EPHA6: variants seen among roughly 807,000 people sequenced by gnomAD.
EPHA6 encodes the protein ephrin type-A receptor 6.
Under a neutral mutation model 112.0 loss-of-function variants are expected in EPHA6, and 50 were observed. The observed-to-expected ratio is 0.45, with a 90% CI of 0.36 to 0.56. EPHA6 has a LOEUF of 0.56. Ranked by LOEUF, EPHA6 falls within the 20% of genes least tolerant of loss-of-function variation. The pLI is 0.00. For synonymous variants in EPHA6, 529 were observed against 490.7 expected (o/e 1.08, Z -1.03); for missense variants, 1,280 against 1,417.4 (o/e 0.90, Z 1.56).
At chr3:97,084,394 AAC>A (rs1238331933) in intron 3 of EPHA6, among the ~76,000 whole-genome samples, 1 of 151,648 alleles carries the variant, frequency 6.6e-6, no homozygotes, top group Non-Finnish European at 1.5e-5. Flanking sequence ...ACCTTGGAAT[AAC>A]ACAGACTCCT....
intron 14 of EPHA6, among the ~76,000 whole-genome samples, chr3:97,677,190 G>T (rs546876259): frequency 6.6e-6 from 1 of 152,078 alleles, no homozygotes; most frequent in Non-Finnish European, 1.5e-5. Context: ...CATTTTAAAT[G>T]AAAATTTAGT....
chr3:96,865,694 CAAAAAAA>C lies in EPHA6; in HGVS notation c.386-1116_386-1110del, dbSNP rs57565102. On this transcript the variant is annotated intron_variant, in intron 1 of 17. Transcript: ENST00000389672. The stretch of plus-strand genomic sequence containing the variant: ...AAGACCTGTCTCTTTAAAAAACAAA[CAAAAAAA>C]AAAAAAAAAAAAAAGGAAAAAGAAA... 2.2e-4 allele frequency among the ~76,000 whole-genome samples: 18 copies of C among 82,006 alleles called. 1 individual carries two copies. The highest frequency in any genetic ancestry group is 0.014 in the Middle Eastern group (2 of 144). The allele number at this position is 82,006 out of a possible 152,430, so 53.8% of individuals were successfully genotyped here. A position where few individuals can be genotyped will look rare whatever the true frequency, so the allele number is the denominator to read the frequency against.
At chr3:97,467,588 C>T (rs183609129) in intron 7 of EPHA6, among the ~76,000 whole-genome samples, 23 of 151,810 alleles carry the variant, frequency 1.5e-4, no homozygotes, top group African/African-American at 5.1e-4. Context: ...GTATGGAAAT[C>T]CTATTTTACA....
intron 5 of EPHA6, among the ~76,000 whole-genome samples, chr3:97,391,558 T>C (rs572886733): frequency 6.6e-6 from 1 of 152,048 alleles, no homozygotes; most frequent in Non-Finnish European, 1.5e-5. Flanking sequence ...TCAATGTATG[T>C]GAAAGAGCAT....
intron 2 of EPHA6, among the ~76,000 whole-genome samples, chr3:96,915,492 A>G (rs1330228020): frequency 2.0e-5 from 3 of 152,088 alleles, no homozygotes; most frequent in Admixed American, 2.0e-4. Context: ...TTGTTTACCT[A>G]CTATTTTACC....
intron 2 of EPHA6, among the ~76,000 whole-genome samples, chr3:96,946,083 A>G (rs2041239512): frequency 1.3e-5 from 2 of 152,154 alleles, no homozygotes; most frequent in Non-Finnish European, 2.9e-5. Context: ...TTTCAATCAT[A>G]CAAAATGTAG....
At chr3:96,967,231 TAAG>T (rs1576194072) in intron 2 of EPHA6, among the ~76,000 whole-genome samples, 3 of 150,208 alleles carry the variant, frequency 2.0e-5, no homozygotes, top group East Asian at 3.9e-4. Context: ...GGTTATATAA[TAAG>T]AAATTATTAT....
At chr3:96,989,557 G>T (rs927419220) in intron 3 of EPHA6, among the ~76,000 whole-genome samples, 2 of 152,094 alleles carry the variant, frequency 1.3e-5, no homozygotes, top group South Asian at 2.1e-4. Context: ...TTCTCATACT[G>T]CTATAAGAAC....
intron 1 of EPHA6, among the ~76,000 whole-genome samples, chr3:96,846,019 T>C (rs956875020): frequency 2.6e-5 from 4 of 152,068 alleles, no homozygotes; most frequent in African/African-American, 9.7e-5. Flanking sequence ...AAAATCACAA[T>C]GCTTACATCT....
At chr3:97,689,443 G>A (rs947301587) in intron 14 of EPHA6, among the ~76,000 whole-genome samples, 1 of 152,128 alleles carries the variant, frequency 6.6e-6, no homozygotes, top group Non-Finnish European at 1.5e-5. Flanking sequence ...TTATTTAGAA[G>A]GGTAATTTTT....
intron 5 of EPHA6, among the ~76,000 whole-genome samples, chr3:97,293,684 G>A (rs2080776359): frequency 6.6e-6 from 1 of 152,236 alleles, no homozygotes; most frequent in African/African-American, 2.4e-5. Context: ...TCCCACTCTG[G>A]AGTGTGGACT....
At chr3:97,414,805 C>T (rs1266636813) in intron 6 of EPHA6, among the ~76,000 whole-genome samples, 2 of 152,060 alleles carry the variant, frequency 1.3e-5, no homozygotes, top group Non-Finnish European at 2.9e-5. Flanking sequence ...CCAGAAAAAT[C>T]AATTGTAAAC....
rs2035894845 is a variant in EPHA6, at chr3:97,751,291, C to G, written c.*2590C>G. The stretch of plus-strand genomic sequence containing the variant: ...TAAAATGTCTGATGATCCTATTCTA[C>G]ATCTGGTTAATTTGTACTTATTTTT... On this transcript the variant is annotated 3_prime_UTR_variant, in exon 18 of 18. Transcript: ENST00000389672. Among the ~76,000 whole-genome samples, 1 of 152,072 alleles carries G rather than the reference C, an allele frequency of 6.6e-6. No individual in the cohort carries two copies. The highest frequency in any genetic ancestry group is 2.1e-4 in the South Asian group (1 of 4,816).
intron 6 of EPHA6, among the ~76,000 whole-genome samples, chr3:97,437,807 T>C (rs2089929125): frequency 6.6e-6 from 1 of 152,010 alleles, no homozygotes; most frequent in South Asian, 2.1e-4. Flanking sequence ...CAGCCTCAAA[T>C]TTTCTTATAA....
intron 13 of EPHA6, among the ~76,000 whole-genome samples, chr3:97,624,636 T>C (rs559122270): frequency 6.6e-6 from 1 of 151,734 alleles, no homozygotes; most frequent in South Asian, 2.1e-4. Context: ...GTTCATTCTT[T>C]AAATGTTTGG....
At chr3:97,537,530 A>C (rs1014351149) in intron 11 of EPHA6, among the ~76,000 whole-genome samples, 1 of 152,160 alleles carries the variant, frequency 6.6e-6, no homozygotes, top group Non-Finnish European at 1.5e-5. Flanking sequence ...AATAATTTTT[A>C]AATTTATTCA....
intron 3 of EPHA6, among the ~76,000 whole-genome samples, chr3:97,113,089 G>A (rs1051480662): frequency 1.3e-5 from 2 of 152,100 alleles, no homozygotes; most frequent in African/African-American, 4.8e-5. Flanking sequence ...CAACTCAACT[G>A]CTTCAGCTGC....
chr3:96,974,204 ATAT>A (rs1016597930), intron 2 of EPHA6, among the ~76,000 whole-genome samples: 3 of 147,294 alleles, frequency 2.0e-5, no homozygotes, highest in African/African-American at 7.4e-5. Flanking sequence ...TATTAAAATT[ATAT>A]TATTAATTAT....
At chr3:97,376,445 C>CA (rs925894899) in intron 5 of EPHA6, among the ~76,000 whole-genome samples, 57 of 151,714 alleles carry the variant, frequency 3.8e-4, no homozygotes, top group South Asian at 6.2e-4. Flanking sequence ...CATACGAAAA[C>CA]AAAAAAAACA....
Sources: gnomAD v4.1 joint callset for allele counts (sites outside exome capture counted in the v4.1 genomes callset) on GRCh38, gnomAD v4.1.1 for gene constraint, MANE v1.5 for transcripts, NCBI Gene and HGNC (gene_info 2026-07-23, HGNC 2026-07-21) for gene names.